Variants in PKLR observed in about 807,000 individuals in gnomAD.
PKLR encodes pyruvate kinase L/R, also known as pyruvate kinase PKLR.
A neutral mutation model predicts 53.6 loss-of-function variants in PKLR; 38 were observed. The observed-to-expected ratio is 0.71, with a 90% CI of 0.55 to 0.93. PKLR has a LOEUF of 0.93. Ranked by LOEUF, PKLR falls within the 40% of genes least tolerant of loss-of-function variation. The pLI is 0.00. For synonymous variants in PKLR, 328 were observed against 316.2 expected, an observed-to-expected ratio of 1.04 and a Z score of -0.39; for missense variants, 702 against 787.3, an observed-to-expected ratio of 0.89 and a Z score of 1.30.
upstream of PKLR, among the ~76,000 whole-genome samples, chr1:155,305,432 G>A (rs572656664): frequency 2.6e-5 from 4 of 152,228 alleles, no homozygotes; most frequent in Admixed American, 1.3e-4. Flanking sequence ...CTCTGGAGTT[G>A]GAAAAGAAAG....
At chr1:155,294,782 CA>C (rs1484664311) in intron 5 of PKLR, 30 bp from the exon 6 acceptor site, 16 of 1,613,270 alleles carry the variant, frequency 9.9e-6, no homozygotes, top group Non-Finnish European at 1.4e-5. Flanking sequence ...CAGCTGCGGT[CA>C]GGGGTGAGGA....
chr1:155,295,148 T>C lies in PKLR; in HGVS notation c.662A>G (p.Asp221Gly). ...CTGGACCACTAGGGAGATGAGCCCG[T>C]CGTCAATGTAGATGCGGCCCCCCAC... is the stretch of plus-strand genomic sequence containing the variant. Reference protein sequence around the residue: ...VPVGGRIYIDDGLISLVVQKI... With the variant: ...VPVGGRIYIDGGLISLVVQKI... Residue 221 changes from aspartate (D) to glycine (G), a missense_variant, in exon 5 of 11, where the codon GAC (aspartate) becomes GGC (glycine). This residue lies in a region of PKLR where 519 missense variants were observed against 537.1 expected (regional missense o/e 0.97). Coordinates refer to ENST00000342741, the MANE Select transcript of PKLR (RefSeq NM_000298.6). The surrounding 1 kb of genome is among the most constrained non-coding windows in gnomAD (Gnocchi z 4.3). The C allele has an allele frequency of 6.2e-7, 1 of 1,614,036 alleles. No homozygotes were observed. Among genetic ancestry groups the C allele is most frequent in the Non-Finnish European group, 8.5e-7 (1 of 1,179,968 alleles).
chr1:155,306,875 G>A, the PKLR span, among the ~76,000 whole-genome samples: 1 of 152,156 alleles, frequency 6.6e-6, no homozygotes, highest in African/African-American at 2.4e-5. This position sits in a 1 kb window ranked among gnomAD's most constrained non-coding sequence, Gnocchi z 4.2. Context: ...TCGTGGTCTT[G>A]CTGGCTCATG....
intron 2 of PKLR, among the ~76,000 whole-genome samples, chr1:155,298,118 TCCC>T (rs1305456838): frequency 2.0e-5 from 3 of 152,118 alleles, no homozygotes; most frequent in Non-Finnish European, 4.4e-5. Context: ...CGATCTCTGC[TCCC>T]TGCCTTCCAG....
Position 155,291,804 on chromosome 1 carries a change from T to A in PKLR, c.1570A>T (p.Ile524Phe). 6.2e-7 allele frequency: 1 copy of A among 1,614,072 alleles called. No homozygotes were observed. Among genetic ancestry groups the A allele is most frequent in the Non-Finnish European group, 8.5e-7 (1 of 1,179,992 alleles). Residue 524 changes from isoleucine (I) to phenylalanine (F), a missense_variant, in exon 10 of 11, where the codon ATC becomes TTC. Ile to Phe is a conservative substitution (Grantham distance 21). Transcript: ENST00000342741. ...CGGCGATCTACATCATCTGCCCAGATGGCTTCTGGAGGTTCACGGTAAAGC... is the reference window on the plus strand; with the variant it reads ...CGGCGATCTACATCATCTGCCCAGAAGGCTTCTGGAGGTTCACGGTAAAGC... The part of the protein sequence containing the change: ...PLLYREPPEA[I>F]WADDVDRRVQ...
intron 2 of PKLR, among the ~76,000 whole-genome samples, chr1:155,296,271 T>C (rs1261690131): frequency 6.6e-6 from 1 of 152,170 alleles, no homozygotes; most frequent in Admixed American, 6.5e-5. Context: ...CTCCTCCTTC[T>C]CACCTGCTCA....
At position 155,290,232 on chromosome 1, in the gene PKLR, T is replaced by G; in HGVS notation, c.*340A>C. 2.9e-6 allele frequency: 1 copy of G among 345,508 alleles called. No individual in the cohort carries two copies. 21.4% of individuals were successfully genotyped at this position (345,508 alleles called of 1,614,324 possible). On this transcript the variant is annotated 3_prime_UTR_variant, in exon 11 of 11. Coordinates refer to ENST00000342741, the MANE Select transcript of PKLR (RefSeq NM_000298.6). ...CCCCAAGGGATGGGATGCCTGGGGT[T>G]ATGGAATTAACCAGCCAAACTGGGA...
intron 2 of PKLR, among the ~76,000 whole-genome samples, chr1:155,298,967 T>TTTCC (rs1647772831): frequency 1.5e-5 from 1 of 68,818 alleles, no homozygotes; most frequent in Non-Finnish European, 2.6e-5. Flanking sequence ...TCTTTCTTTC[T>TTTCC]TTCTTTCTTT....
At chr1:155,302,776 G>A (rs1648096911), upstream of PKLR, among the ~76,000 whole-genome samples, 2 of 151,750 alleles carry the variant, frequency 1.3e-5, no homozygotes, top group South Asian at 4.2e-4. Flanking sequence ...GGGCTCCAAC[G>A]ATCCTCCCAC....
rs771423015 is a variant in PKLR, at chr1:155,294,464, A to C, written c.965+18T>G. 20 of 1,614,118 alleles carry C rather than the reference A, an allele frequency of 1.2e-5. No homozygotes were observed. Among genetic ancestry groups the C allele is most frequent in the African/African-American group, 2.7e-5 (2 of 74,952 alleles). On this transcript the variant is annotated intron_variant, in intron 6 of 10. Coordinates refer to ENST00000342741, the MANE Select transcript of PKLR (RefSeq NM_000298.6). The stretch of plus-strand genomic sequence containing the variant: ...GGAATAGCGACAGGGCCGAAGGGGA[A>C]CAGAGCCCAAGCCTCACCTCTTCAC...
chr1:155,296,365 G>A (rs904900804), intron 2 of PKLR, among the ~76,000 whole-genome samples: 2 of 151,732 alleles, frequency 1.3e-5, no homozygotes, highest in African/African-American at 4.8e-5. Flanking sequence ...TGAGACGGGG[G>A]GAGTTTCACT....
intron 9 of PKLR, 85 bp from the exon 10 acceptor site, chr1:155,292,022 C>T (rs982539334): frequency 7.7e-7 from 1 of 1,302,674 alleles, no homozygotes; most frequent in African/African-American, 1.5e-5. Flanking sequence ...TTCCAGGTGT[C>T]ACTAACAAGC....
chr1:155,301,295 C>A lies in PKLR; in HGVS notation c.100+1G>T, dbSNP rs192191038. On this transcript the variant is annotated splice_donor_variant, in intron 1 of 10. Coordinates refer to ENST00000342741, the MANE Select transcript of PKLR (RefSeq NM_000298.6). LOFTEE classifies it high-confidence loss of function. ...CCATGGCTTCTGTCTCCCCTTCTTA[C>A]CTCCTGGAGCCCCAATCAGGATGGA... The A allele has an allele frequency of 6.2e-7, 1 of 1,614,140 alleles. No homozygotes were observed. Among genetic ancestry groups the A allele is most frequent in the Non-Finnish European group, 8.5e-7 (1 of 1,179,974 alleles).
At chr1:155,296,784 G>A (rs1461194664) in intron 2 of PKLR, among the ~76,000 whole-genome samples, 3 of 151,862 alleles carry the variant, frequency 2.0e-5, no homozygotes, top group Non-Finnish European at 2.9e-5. Context: ...AAAACTCATC[G>A]CAAGAGTTAT....
chr1:155,291,295 A>C (rs1428615734), intron 10 of PKLR, among the ~76,000 whole-genome samples: 4 of 151,922 alleles, frequency 2.6e-5, no homozygotes, highest in East Asian at 3.9e-4. Context: ...CAAGACATTG[A>C]GACCATCCTG....
At position 155,294,650 on chromosome 1, in the gene PKLR, T is replaced by A; in HGVS notation, c.797A>T (p.Glu266Val). Residue 266 changes from glutamate (E) to valine (V), a missense_variant, in exon 6 of 11, where the codon GAG (glutamate) becomes GTG (valine). Glu to Val is a moderately radical substitution (Grantham distance 121, BLOSUM62 -2). Coordinates refer to ENST00000342741, the MANE Select transcript of PKLR (RefSeq NM_000298.6). ...GAAGCGCAGGTCTCGGACGTCCTGC[T>A]CGGACAGCCCGGGCAAGTCCACCTG... is the stretch of plus-strand genomic sequence containing the variant. ...GAQVDLPGLS[E>V]QDVRDLRFGV... 1 of 1,614,116 alleles carries A rather than the reference T, an allele frequency of 6.2e-7. No individual in the cohort carries two copies. The highest frequency in any genetic ancestry group is 1.1e-5 in the South Asian group (1 of 91,078).
the PKLR span, chr1:155,308,495 T>C: frequency 1.1e-6 from 1 of 922,730 alleles, no homozygotes; most frequent in Non-Finnish European, 1.3e-6. Flanking sequence ...CGTTAAATGA[T>C]TTGCCTAAAG....
At chr1:155,300,764 C>T (rs1267435921) in intron 1 of PKLR, 20 of 1,195,194 alleles carry the variant, frequency 1.7e-5, no homozygotes, top group East Asian at 1.5e-4. Flanking sequence ...TGGCTACTGG[C>T]TGGCTTCCCC....
intron 1 of PKLR, 84 bp from the exon 2 acceptor site, chr1:155,300,364 T>C (rs1389565173): frequency 9.4e-7 from 1 of 1,066,868 alleles, no homozygotes; most frequent in Non-Finnish European, 1.4e-6. Context: ...CTCTGTTCCT[T>C]CCCTTCTTAT....
Sources: gnomAD v4.1 joint callset for allele counts (sites outside exome capture counted in the v4.1 genomes callset) on GRCh38, gnomAD v4.1.1 for gene constraint, gnomAD v4.1.1 regional missense constraint, Gnocchi (gnomAD v3.1) non-coding constraint, MANE v1.5 for transcripts, NCBI Gene and HGNC (gene_info 2026-07-23, HGNC 2026-07-21) for gene names.